FOXP1: variants seen among roughly 807,000 people sequenced by gnomAD.
The protein encoded by FOXP1 is forkhead box P1, also known as forkhead box protein P1.
In FOXP1, 15 loss-of-function variants were observed where a neutral mutation model predicts 98.2. That is an observed-to-expected ratio of 0.15 (90% CI 0.10 to 0.24). The LOEUF (loss-of-function observed/expected upper bound fraction) is 0.24, where lower values mean the gene tolerates loss of function less well. FOXP1 is among the 10% of genes least tolerant of loss of function. The probability of loss-of-function intolerance (pLI) is 1.00; values close to 1 mark genes in which losing one functional copy is unlikely to be tolerated. For missense variants in FOXP1, 633 were observed against 848.5 expected, an observed-to-expected ratio of 0.75 and a Z score of 3.15; for synonymous variants, 371 against 314.5, an observed-to-expected ratio of 1.18 and a Z score of -1.90.
chr3:71,417,733 A>G (rs1170992702), intron 3 of FOXP1, among the ~76,000 whole-genome samples: 2 of 152,172 alleles, frequency 1.3e-5, no homozygotes, highest in African/African-American at 4.8e-5. Flanking sequence ...GAGGACAGGC[A>G]TCTTAGCTGG....
intron 7 of FOXP1, among the ~76,000 whole-genome samples, chr3:71,082,501 A>G (rs189035145): frequency 3.8e-4 from 58 of 152,042 alleles, no homozygotes; most frequent in Middle Eastern, 3.4e-3. Flanking sequence ...GGGAGGGATA[A>G]CATTAGGAGA....
intron 3 of FOXP1, among the ~76,000 whole-genome samples, chr3:71,468,375 G>A (rs1341872317): frequency 6.6e-6 from 1 of 152,046 alleles, no homozygotes; most frequent in Non-Finnish European, 1.5e-5. Context: ...ATTTCTCCTT[G>A]GTGTGACTGT....
In FOXP1 at chr3:71,182,502, A is replaced by ATGTGTG. The variant is rs1234678062; in HGVS notation, c.180+15694_180+15699dup. ...ATACAGAAAAGTGTAAACTATATAT[A>ATGTGTG]TGTGTGTGTGTGTGTGTGTGTGTGT... On this transcript the variant is annotated intron_variant, in intron 6 of 20. Transcript: ENST00000649528. Among the ~76,000 whole-genome samples, 529 of 133,690 alleles carry ATGTGTG rather than the reference A, an allele frequency of 4.0e-3. 5 individuals carry two copies. The highest frequency in any genetic ancestry group is 0.014 in the African/African-American group (489 of 35,372). The allele number at this position is 133,690 out of a possible 152,430, so 87.7% of individuals were successfully genotyped here.
rs545220041 is a variant in FOXP1, at chr3:71,172,300, T to C, written c.180+25902A>G. Among the ~76,000 whole-genome samples the C allele has an allele frequency of 2.6e-5, 4 of 152,332 alleles. No individual in the cohort carries two copies. The South Asian group carries it at 8.3e-4, about 32-fold the overall frequency. ...CTGCTTTTTAATGCCCTGTTGGTTA[T>C]GTGCAGAATTACTCAACAGAAATCC... On this transcript the variant is annotated intron_variant, in intron 6 of 20. Coordinates refer to ENST00000649528, the MANE Select transcript of FOXP1 (RefSeq NM_001349338.3).
intron 6 of FOXP1, among the ~76,000 whole-genome samples, chr3:71,184,194 C>T (rs75794609): frequency 0.045 from 6,921 of 152,148 alleles, 244 homozygotes; most frequent in Non-Finnish European, 0.066. Context: ...ATGATGCTCA[C>T]GCACATAAAA....
At chr3:71,489,276 G>A (rs917584813) in intron 3 of FOXP1, among the ~76,000 whole-genome samples, 4 of 152,170 alleles carry the variant, frequency 2.6e-5, no homozygotes, top group African/African-American at 9.7e-5. Context: ...ATTTGATTAT[G>A]AGAGACATCA....
chr3:70,979,259 G>A (rs765923199), intron 14 of FOXP1, among the ~76,000 whole-genome samples: 1 of 106,968 alleles, frequency 9.3e-6, no homozygotes, highest in Non-Finnish European at 1.7e-5. Context: ...CAGCCTGGGT[G>A]ATAGAGTGAG....
At chr3:71,331,097 C>T (rs530552595) in intron 4 of FOXP1, among the ~76,000 whole-genome samples, 3 of 152,188 alleles carry the variant, frequency 2.0e-5, no homozygotes, top group Non-Finnish European at 2.9e-5. Flanking sequence ...TAGCCAAGGC[C>T]GGAGACGGCT....
intron 6 of FOXP1, among the ~76,000 whole-genome samples, chr3:71,181,291 T>C (rs2062275961): frequency 6.6e-6 from 1 of 152,234 alleles, no homozygotes; most frequent in Admixed American, 6.5e-5. Context: ...ACCATGGCTT[T>C]TCCCAGTCTT....
chr3:71,492,247 T>C (rs1302124716), intron 3 of FOXP1, among the ~76,000 whole-genome samples: 1 of 151,676 alleles, frequency 6.6e-6, no homozygotes, highest in African/African-American at 2.4e-5. Context: ...AGGTCAGGAG[T>C]TTGAGACCAG....
chr3:71,212,849 G>A (rs888750753), intron 5 of FOXP1, among the ~76,000 whole-genome samples: 1 of 151,866 alleles, frequency 6.6e-6, no homozygotes, highest in Non-Finnish European at 1.5e-5. Flanking sequence ...AAGACATGGT[G>A]TCTACGTAAT....
intron 6 of FOXP1, among the ~76,000 whole-genome samples, chr3:71,196,424 T>C (rs2063306586): frequency 6.6e-6 from 1 of 152,188 alleles, no homozygotes; most frequent in African/African-American, 2.4e-5. Context: ...GTAAAGTTTT[T>C]TGGCTGGCTT....
chr3:71,414,665 G>T (rs1320380700), intron 3 of FOXP1, among the ~76,000 whole-genome samples: 1 of 152,222 alleles, frequency 6.6e-6, no homozygotes, highest in Admixed American at 6.5e-5. Flanking sequence ...GGGAGTAAGG[G>T]GAGAGGGCAC....
chr3:71,050,333 CTA>C (rs767570366), intron 9 of FOXP1, among the ~76,000 whole-genome samples: 3 of 152,152 alleles, frequency 2.0e-5, no homozygotes, highest in Non-Finnish European at 2.9e-5. Flanking sequence ...GCATTCCAAA[CTA>C]TGTCTCACAG....
chr3:71,432,693 A>T (rs1382323182), intron 3 of FOXP1, among the ~76,000 whole-genome samples: 2 of 151,778 alleles, frequency 1.3e-5, no homozygotes, highest in African/African-American at 4.8e-5. Flanking sequence ...TGATCGCTTC[A>T]CCCCATCCCC....
chr3:71,359,111 T>C (rs951129105), intron 4 of FOXP1, 39 bp downstream of exon 4: 10 of 152,228 alleles, frequency 6.6e-5, no homozygotes, highest in African/African-American at 2.4e-4. Flanking sequence ...GATGGCAATT[T>C]TTAGGTGGTA....
chr3:71,453,193 C>A (rs1318854485), intron 3 of FOXP1, among the ~76,000 whole-genome samples: 1 of 152,082 alleles, frequency 6.6e-6, no homozygotes, highest in Non-Finnish European at 1.5e-5. Flanking sequence ...AGGGTATGTC[C>A]CCACACTTCC....
intron 5 of FOXP1, among the ~76,000 whole-genome samples, chr3:71,274,808 A>AT (rs1242586520): frequency 6.6e-6 from 1 of 152,132 alleles, no homozygotes; most frequent in Admixed American, 6.5e-5. Flanking sequence ...AATCTTACTG[A>AT]TTTTCACTGT....
chr3:71,559,234 C>T (rs1219827677), intron 2 of FOXP1, among the ~76,000 whole-genome samples: 3 of 152,244 alleles, frequency 2.0e-5, no homozygotes, highest in Non-Finnish European at 2.9e-5. Context: ...GCTACCCCCA[C>T]TCTGAACTGC....
Sources: gnomAD v4.1 joint callset for allele counts (sites outside exome capture counted in the v4.1 genomes callset) on GRCh38, gnomAD v4.1.1 for gene constraint, MANE v1.5 for transcripts, NCBI Gene and HGNC (gene_info 2026-07-23, HGNC 2026-07-21) for gene names.